PDLIM5: variants seen among roughly 807,000 people sequenced by gnomAD.
PDLIM5 encodes the protein PDZ and LIM domain 5, also known as PDZ and LIM domain protein 5.
A neutral mutation model predicts 64.2 loss-of-function variants in PDLIM5; 34 were observed. The ratio of observed to expected loss-of-function variants is 0.53; its 90% CI spans 0.40 to 0.71. PDLIM5 has a LOEUF of 0.71. Among genes scored for constraint, PDLIM5 ranks in the 30% least tolerant of loss-of-function variants. The probability of loss-of-function intolerance (pLI) is 0.00; values close to 1 mark genes in which losing one functional copy is unlikely to be tolerated. For missense variants in PDLIM5, 683 were observed against 733.6 expected, an observed-to-expected ratio of 0.93 and a Z score of 0.80; for synonymous variants, 253 against 269.1, an observed-to-expected ratio of 0.94 and a Z score of 0.59.
At chr4:94,494,432 G>GGTTTTTTTTTTTT (rs1553940971) in intron 2 of PDLIM5, among the ~76,000 whole-genome samples, 2,613 of 70,792 alleles carry the variant, frequency 0.037, 521 homozygotes, top group South Asian at 0.082. Flanking sequence ...TTTTTTTCTT[G>GGTTTTTTTTTTTT]TTTTTTTTTT....
chr4:94,592,516 A>G lies in PDLIM5; in HGVS notation c.920+6072A>G, dbSNP rs532292766. Among the ~76,000 whole-genome samples the G allele has an allele frequency of 3.9e-5, 6 of 152,346 alleles. No individual in the cohort carries two copies. In the South Asian group the frequency reaches 1.0e-3, roughly 26 times the overall value. On this transcript the variant is annotated intron_variant, in intron 7 of 12. Transcript: ENST00000317968. Reference sequence around the variant, plus strand: ...GGAAGGAGGATGCTAAATATCTTGTAATGCACTGAAGAATCCCACAGACTG... The same window carrying G: ...GGAAGGAGGATGCTAAATATCTTGTGATGCACTGAAGAATCCCACAGACTG...
At chr4:94,501,978 G>A (rs1317842699) in intron 2 of PDLIM5, among the ~76,000 whole-genome samples, 1 of 151,988 alleles carries the variant, frequency 6.6e-6, no homozygotes, top group Non-Finnish European at 1.5e-5. Flanking sequence ...GAGATTTATA[G>A]AATGAAGAAA....
intron 9 of PDLIM5, among the ~76,000 whole-genome samples, chr4:94,647,190 C>G (rs115941757): frequency 1.3e-5 from 2 of 152,124 alleles, no homozygotes; most frequent in African/African-American, 4.8e-5. Context: ...ATCACACACT[C>G]CAGCTAAAAG....
intron 7 of PDLIM5, among the ~76,000 whole-genome samples, chr4:94,595,628 TTTG>T (rs1378565980): frequency 6.6e-6 from 1 of 152,214 alleles, no homozygotes; most frequent in East Asian, 1.9e-4. Flanking sequence ...TTTTTAAAAC[TTTG>T]TTGATATTCA....
chr4:94,607,912 C>T, intron 7 of PDLIM5: 1 of 452,168 alleles, frequency 2.2e-6, no homozygotes, highest in Admixed American at 4.0e-5. Flanking sequence ...TTGTTTTAAC[C>T]ATTTGTAGAT....
chr4:94,610,542 C>T (rs1224176420), intron 7 of PDLIM5, among the ~76,000 whole-genome samples: 1 of 152,128 alleles, frequency 6.6e-6, no homozygotes, highest in African/African-American at 2.4e-5. Flanking sequence ...TGGTATTTCT[C>T]AGTTGCGTGA....
At chr4:94,560,025 T>C (rs1359261984) in intron 3 of PDLIM5, among the ~76,000 whole-genome samples, 1 of 152,204 alleles carries the variant, frequency 6.6e-6, no homozygotes, top group African/African-American at 2.4e-5. Flanking sequence ...TTCTTATCTA[T>C]GTGGACTCCA....
chr4:94,516,025 T>A (rs1041741168), intron 2 of PDLIM5, among the ~76,000 whole-genome samples: 3 of 152,266 alleles, frequency 2.0e-5, no homozygotes, highest in African/African-American at 7.2e-5. Context: ...GAAGTGTTAA[T>A]GAGGCATCTC....
chr4:94,611,329 G>T (rs1295343384), intron 7 of PDLIM5: 1 of 695,500 alleles, frequency 1.4e-6, no homozygotes, highest in African/African-American at 1.8e-5. Context: ...GCCCAATTTT[G>T]AATGAACTGT....
chr4:94,658,310 C>G (rs1026799710), intron 11 of PDLIM5, among the ~76,000 whole-genome samples: 1 of 152,136 alleles, frequency 6.6e-6, no homozygotes, highest in Non-Finnish European at 1.5e-5. Context: ...GGATTGTTCC[C>G]TTGGTAAAAT....
rs145883160 is a variant in PDLIM5 at position 94,533,034 on chromosome 4, C to T, written c.248+9159C>T. Among the ~76,000 whole-genome samples, 5 of 152,214 alleles carry T rather than the reference C, an allele frequency of 3.3e-5. No individual in the cohort carries two copies. The East Asian group carries it at 9.7e-4, about 29-fold the overall frequency. Reference sequence around the variant, plus strand: ...AGAAAATATGTTTTAGGGACTGTTTCGTCAACATCACGCACACTGGAAGAG... The same window carrying T: ...AGAAAATATGTTTTAGGGACTGTTTTGTCAACATCACGCACACTGGAAGAG... On this transcript the variant is annotated intron_variant, in intron 3 of 12. Coordinates refer to ENST00000317968, the MANE Select transcript of PDLIM5 (RefSeq NM_006457.5).
intron 8 of PDLIM5, among the ~76,000 whole-genome samples, chr4:94,628,542 AT>A (rs1739884812): frequency 1.3e-5 from 2 of 149,638 alleles, no homozygotes; most frequent in Admixed American, 1.3e-4. Flanking sequence ...TTCCTGCTTC[AT>A]TTTTTTTCCC....
intron 2 of PDLIM5, among the ~76,000 whole-genome samples, chr4:94,483,316 A>T (rs982948026): frequency 6.6e-6 from 1 of 152,138 alleles, no homozygotes; most frequent in Admixed American, 6.5e-5. Context: ...TAATGTGGAA[A>T]TTTTCAGCAT....
At chr4:94,504,555 G>T (rs903206574) in intron 2 of PDLIM5, among the ~76,000 whole-genome samples, 2 of 152,210 alleles carry the variant, frequency 1.3e-5, no homozygotes, top group East Asian at 3.9e-4. Context: ...AAAGTGCTGG[G>T]ATTACAGGTG....
chr4:94,513,035 G>GTT (rs1223337913), intron 2 of PDLIM5, among the ~76,000 whole-genome samples: 4 of 152,096 alleles, frequency 2.6e-5, no homozygotes, highest in African/African-American at 4.8e-5. Context: ...TTGAAAATGA[G>GTT]TTTCTTGCAG....
chr4:94,590,307 C>A (rs879839779), intron 7 of PDLIM5, among the ~76,000 whole-genome samples: 10 of 151,816 alleles, frequency 6.6e-5, no homozygotes, highest in Non-Finnish European at 1.3e-4. Flanking sequence ...CAAAATTATT[C>A]AAAAATATAG....
chr4:94,664,379 A>G lies in PDLIM5; in HGVS notation c.*312A>G, dbSNP rs1308759636. On this transcript the variant is annotated 3_prime_UTR_variant, in exon 13 of 13. Transcript: ENST00000317968. ...AGTGAAGAATTTAATTTTAGAATAA[A>G]TAATCCAATCTGAAATAATTATACC... 7.0e-6 allele frequency: 5 copies of G among 711,894 alleles called. No individual in the cohort carries two copies. Among genetic ancestry groups the G allele is most frequent in the Non-Finnish European group, 8.7e-6 (5 of 577,496 alleles). The allele number at this position is 711,894 out of a possible 1,614,324, so 44.1% of individuals were successfully genotyped here. A position where few individuals can be genotyped will look rare whatever the true frequency, so the allele number is the denominator to read the frequency against.
chr4:94,573,212 A>G, intron 3 of PDLIM5, 139 bp from the exon 4 acceptor site: 2 of 663,350 alleles, frequency 3.0e-6, no homozygotes, highest in Non-Finnish European at 2.5e-6. Flanking sequence ...AATAGTAAAA[A>G]CTATGAATTA....
rs151288647 is a variant in PDLIM5, at chr4:94,523,812, C to A, written c.185C>A (p.Thr62Asn). The A allele has an allele frequency of 9.5e-4, 1,524 of 1,611,550 alleles. 7 individuals carry two copies. The highest frequency in any genetic ancestry group is 1.6e-3 in the Middle Eastern group (10 of 6,078). Residue 62 changes from threonine to asparagine, a missense_variant, in exon 3 of 13, where the codon ACT becomes AAT. By Grantham distance (65) the Thr-to-Asn change is moderately conservative. Coordinates refer to ENST00000317968, the MANE Select transcript of PDLIM5 (RefSeq NM_006457.5). ...GATGGAATAAATGCACAAGGAATGA[C>A]TCATCTTGAAGCCCAGAATAAGATT... ...SIDGINAQGM[T>N]HLEAQNKIKG...
Sources: allele counts gnomAD v4.1 joint callset (sites outside exome capture counted in the v4.1 genomes callset), GRCh38; gene constraint gnomAD v4.1.1; transcripts MANE v1.5; gene names NCBI Gene and HGNC (gene_info 2026-07-23, HGNC 2026-07-21).